Variants in ROBO1 observed in about 807,000 individuals in gnomAD.
ROBO1 encodes roundabout homolog 1.
A neutral mutation model predicts 195.9 loss-of-function variants in ROBO1; 149 were observed. The observed-to-expected ratio is 0.76, with a 90% CI of 0.67 to 0.87. The LOEUF is 0.87. Among genes scored for constraint, ROBO1 ranks in the 40% least tolerant of loss-of-function variants. The probability of loss-of-function intolerance (pLI) is 0.00; values close to 1 mark genes in which losing one functional copy is unlikely to be tolerated. For missense variants in ROBO1, 1,933 were observed against 2,068.3 expected, an observed-to-expected ratio of 0.93 and a Z score of 1.27; for synonymous variants, 816 against 733.2, an observed-to-expected ratio of 1.11 and a Z score of -1.82.
intron 4 of ROBO1, among the ~76,000 whole-genome samples, chr3:78,894,243 T>C (rs1442501328): frequency 6.6e-6 from 1 of 152,092 alleles, no homozygotes; most frequent in Non-Finnish European, 1.5e-5. Flanking sequence ...TTCAAAGCCA[T>C]GAAAAGCAAG....
chr3:79,193,581 CTT>C (rs869203963), intron 2 of ROBO1, among the ~76,000 whole-genome samples: 20 of 85,610 alleles, frequency 2.3e-4, no homozygotes, highest in African/African-American at 4.9e-4. Context: ...TGTGGTTTTG[CTT>C]TTTTTTTTTT....
At chr3:79,211,431 C>A (rs753907364) in intron 2 of ROBO1, among the ~76,000 whole-genome samples, 5 of 152,124 alleles carry the variant, frequency 3.3e-5, no homozygotes, top group Non-Finnish European at 7.4e-5. Flanking sequence ...ATCAAAACTT[C>A]TTTTCCTGCT....
intron 2 of ROBO1, among the ~76,000 whole-genome samples, chr3:79,351,920 C>T (rs752671705): frequency 5.9e-5 from 9 of 152,114 alleles, no homozygotes; most frequent in Non-Finnish European, 1.0e-4. Context: ...TATGTGCAAC[C>T]TGTTTTTCCA....
intron 1 of ROBO1, among the ~76,000 whole-genome samples, chr3:79,734,034 G>A (rs1023155816): frequency 6.7e-6 from 1 of 149,162 alleles, no homozygotes; most frequent in Non-Finnish European, 1.5e-5. Flanking sequence ...TGCAACCTCC[G>A]CCTCCCGGGT....
chr3:79,373,792 A>C (rs2036286907), intron 2 of ROBO1, among the ~76,000 whole-genome samples: 1 of 152,198 alleles, frequency 6.6e-6, no homozygotes, highest in South Asian at 2.1e-4. Flanking sequence ...TAGCCATTTA[A>C]GGATCTTAGT....
intron 4 of ROBO1, chr3:78,937,990 A>AGT (rs10596981): frequency 0.027 from 3,616 of 135,610 alleles, 51 homozygotes; most frequent in South Asian, 0.028. Flanking sequence ...AGAGAGAGTG[A>AGT]GTGTGTGTGT....
At chr3:79,126,430 C>T (rs2080216456) in intron 2 of ROBO1, among the ~76,000 whole-genome samples, 1 of 152,114 alleles carries the variant, frequency 6.6e-6, no homozygotes, top group Non-Finnish European at 1.5e-5. Context: ...AGCAGAGGAG[C>T]AGTATGTGTG....
chr3:79,598,863 A>G (rs1324443713), intron 1 of ROBO1, among the ~76,000 whole-genome samples: 1 of 152,094 alleles, frequency 6.6e-6, no homozygotes, highest in Non-Finnish European at 1.5e-5. Context: ...AGGAGAAAAC[A>G]GCAGCTAATT....
intron 3 of ROBO1, among the ~76,000 whole-genome samples, chr3:78,984,345 T>C (rs2077059270): frequency 6.6e-6 from 1 of 152,150 alleles, no homozygotes; most frequent in African/African-American, 2.4e-5. Context: ...TTAGCAGTTA[T>C]TGCTAAGCTT....
At chr3:79,616,592 C>G (rs1342377200) in intron 1 of ROBO1, among the ~76,000 whole-genome samples, 1 of 152,034 alleles carries the variant, frequency 6.6e-6, no homozygotes, top group Non-Finnish European at 1.5e-5. Context: ...CTGTGTGCTT[C>G]CATTCAAAAT....
chr3:79,299,502 T>C, intron 2 of ROBO1, among the ~76,000 whole-genome samples: 1 of 152,204 alleles, frequency 6.6e-6, no homozygotes, highest in East Asian at 1.9e-4. Flanking sequence ...TGCTGTAATA[T>C]ATGCTCTTGC....
chr3:79,452,101 A>G (rs1170157318), intron 2 of ROBO1, among the ~76,000 whole-genome samples: 1 of 151,944 alleles, frequency 6.6e-6, no homozygotes, highest in Non-Finnish European at 1.5e-5. Flanking sequence ...CCCAGTTACC[A>G]TTGTCTTTAA....
At chr3:78,612,470 G>A (rs952480127) in intron 28 of ROBO1, among the ~76,000 whole-genome samples, 4 of 152,070 alleles carry the variant, frequency 2.6e-5, no homozygotes, top group African/African-American at 9.7e-5. Flanking sequence ...AGTACTTTGG[G>A]AAAATAATTT....
At chr3:79,667,983 TC>T (rs996290227) in intron 1 of ROBO1, among the ~76,000 whole-genome samples, 2 of 151,820 alleles carry the variant, frequency 1.3e-5, no homozygotes, top group Admixed American at 1.3e-4. Context: ...TCCTTGTAGC[TC>T]TCAATTACAA....
intron 3 of ROBO1, among the ~76,000 whole-genome samples, chr3:79,012,360 T>C (rs1191050964): frequency 6.6e-6 from 1 of 152,214 alleles, no homozygotes; most frequent in Non-Finnish European, 1.5e-5. Context: ...TTTTAACGCT[T>C]CATTTAAGTG....
At chr3:78,746,265 C>T (rs2082654234) in intron 5 of ROBO1, among the ~76,000 whole-genome samples, 1 of 152,216 alleles carries the variant, frequency 6.6e-6, no homozygotes, top group Admixed American at 6.5e-5. Flanking sequence ...CATTAACCAC[C>T]TTTCAAAATA....
At chr3:79,278,903 C>T (rs2031281948) in intron 2 of ROBO1, among the ~76,000 whole-genome samples, 1 of 152,096 alleles carries the variant, frequency 6.6e-6, no homozygotes, top group East Asian at 1.9e-4. Flanking sequence ...TGCAAAACAA[C>T]CTACCAAATG....
At position 78,702,879 on chromosome 3, in the gene ROBO1, T is replaced by C. The variant is rs116313733; in HGVS notation, c.1045+11518A>G. On this transcript the variant is annotated intron_variant, in intron 8 of 30. Coordinates refer to ENST00000464233, the MANE Select transcript of ROBO1 (RefSeq NM_002941.4). ...GTGGTGCTATGTCATTATTTGTCAC[T>C]GAATCATCTTATGTATCAATTATTT... is the stretch of plus-strand genomic sequence containing the variant. Among the ~76,000 whole-genome samples the C allele has an allele frequency of 1.3e-3, 200 of 152,338 alleles. 1 individual carries two copies. Among genetic ancestry groups the C allele is most frequent in the Non-Finnish European group, 2.5e-3 (172 of 68,024 alleles).
At chr3:79,338,772 T>C (rs2034789932) in intron 2 of ROBO1, among the ~76,000 whole-genome samples, 1 of 152,206 alleles carries the variant, frequency 6.6e-6, no homozygotes. Flanking sequence ...TCTTCTATTA[T>C]TGTGAATTTA....
Sources: allele counts gnomAD v4.1 joint callset (sites outside exome capture counted in the v4.1 genomes callset), GRCh38; gene constraint gnomAD v4.1.1; transcripts MANE v1.5; gene names NCBI Gene and HGNC (gene_info 2026-07-23, HGNC 2026-07-21).